The following VWC2 variants were observed in gnomAD, a reference collection of about 807,000 sequenced individuals.
The protein encoded by VWC2 is brorin.
A neutral mutation model predicts 29.8 loss-of-function variants in VWC2; 14 were observed. That is an observed-to-expected ratio of 0.47 (90% confidence interval 0.31 to 0.74). The LOEUF (loss-of-function observed/expected upper bound fraction) is 0.74, where lower values mean the gene tolerates loss of function less well. Among genes scored for constraint, VWC2 ranks in the 30% least tolerant of loss-of-function variants. VWC2 has a pLI of 0.05. For missense variants in VWC2, 457 were observed against 459.8 expected (o/e 0.99, Z 0.05); for synonymous variants, 213 against 199.0 (o/e 1.07, Z -0.59).
In VWC2 at chr7:49,781,616, T is replaced by C. The variant is rs538890009; in HGVS notation, c.696+5485T>C. 1.3e-4 allele frequency among the ~76,000 whole-genome samples: 20 copies of C among 152,304 alleles called. No individual in the cohort carries two copies. The East Asian group carries it at 3.7e-3, about 28-fold the overall frequency. On this transcript the variant is annotated intron_variant, in intron 2 of 3. Coordinates refer to ENST00000340652, the MANE Select transcript of VWC2 (RefSeq NM_198570.5). ...ATTTGAATCCTAGCGTGTTGGACTCTGAAGATCGTGCATAGTGTCTTCGTG... is the reference window on the plus strand; with the variant it reads ...ATTTGAATCCTAGCGTGTTGGACTCCGAAGATCGTGCATAGTGTCTTCGTG...
chr7:49,812,266 T>C (rs1789030912), intron 3 of VWC2, among the ~76,000 whole-genome samples: 1 of 152,218 alleles, frequency 6.6e-6, no homozygotes, highest in South Asian at 2.1e-4. Context: ...TAAAATTCAT[T>C]AAATTGTACA....
chr7:49,889,781 C>A (rs1027634430), intron 3 of VWC2, among the ~76,000 whole-genome samples: 1 of 152,130 alleles, frequency 6.6e-6, no homozygotes, highest in Admixed American at 6.5e-5. Flanking sequence ...TGAATATATT[C>A]TATTTGAATT....
At chr7:49,806,408 G>C (rs967567396) in intron 3 of VWC2, among the ~76,000 whole-genome samples, 1 of 152,166 alleles carries the variant, frequency 6.6e-6, no homozygotes, top group African/African-American at 2.4e-5. Flanking sequence ...GGGAGGATAC[G>C]ACATATGCCA....
intron 3 of VWC2, among the ~76,000 whole-genome samples, chr7:49,888,869 C>A (rs1792011984): frequency 6.6e-6 from 1 of 152,066 alleles, no homozygotes; most frequent in Non-Finnish European, 1.5e-5. Context: ...TGAGATCGCA[C>A]CATCACAGTC....
chr7:49,791,758 G>T (rs1433226365), intron 2 of VWC2, among the ~76,000 whole-genome samples: 1 of 152,194 alleles, frequency 6.6e-6, no homozygotes, highest in African/African-American at 2.4e-5. Context: ...CAGACAAGAA[G>T]ATGCTTCGCC....
At position 49,802,623 on chromosome 7, in the gene VWC2, G is replaced by A. The variant is rs1788768513; in HGVS notation, c.697-88G>A. 8.4e-6 allele frequency: 13 copies of A among 1,550,222 alleles called. 1 individual carries two copies. The Middle Eastern group carries it at 1.5e-3, about 184-fold the overall frequency. ...ACTGCACTCCAGTGTGAGCGACAGA[G>A]CGAGACTCCATTTCAAAAAAATATA... On this transcript the variant is annotated intron_variant, in intron 2 of 3. Coordinates refer to ENST00000340652, the MANE Select transcript of VWC2 (RefSeq NM_198570.5).
At chr7:49,803,583 C>T (rs1788798133) in intron 3 of VWC2, among the ~76,000 whole-genome samples, 1 of 152,218 alleles carries the variant, frequency 6.6e-6, no homozygotes, top group Non-Finnish European at 1.5e-5. Flanking sequence ...GCCTCGCTGA[C>T]AGGAGCGACT....
At chr7:49,835,824 A>G (rs1431768607) in intron 3 of VWC2, among the ~76,000 whole-genome samples, 1 of 152,240 alleles carries the variant, frequency 6.6e-6, no homozygotes, top group South Asian at 2.1e-4. Context: ...GGCATTAGCT[A>G]TCTCTCTTTG....
intron 2 of VWC2, among the ~76,000 whole-genome samples, chr7:49,793,680 A>C (rs1254230018): frequency 6.6e-6 from 1 of 152,188 alleles, no homozygotes; most frequent in African/African-American, 2.4e-5. Flanking sequence ...TCTGATTAAC[A>C]CCACAATGTG....
At chr7:49,886,630 G>C (rs769690970) in intron 3 of VWC2, among the ~76,000 whole-genome samples, 1 of 152,106 alleles carries the variant, frequency 6.6e-6, no homozygotes, top group Admixed American at 6.5e-5. Flanking sequence ...AGGTTCAGGG[G>C]TACATGGGCA....
At chr7:49,837,010 T>A (rs575410) in intron 3 of VWC2, among the ~76,000 whole-genome samples, 2,671 of 152,320 alleles carry the variant, frequency 0.018, 87 homozygotes, top group African/African-American at 0.062. Flanking sequence ...ATGCTTGAAA[T>A]TTAGTCTTTG....
Position 49,918,663 on chromosome 7 carries a change from T to C in VWC2, c.*6478T>C, listed in dbSNP as rs1440036345. ...TAAACTGCCATTTATTAGGTGATGA[T>C]TATAGGGCAAACACTACAATTTCAA... On this transcript the variant is annotated 3_prime_UTR_variant, in exon 4 of 4. Transcript: ENST00000340652. 5 of 152,236 alleles carry C rather than the reference T, an allele frequency of 3.3e-5. No homozygotes were observed. Among genetic ancestry groups the C allele is most frequent in the Non-Finnish European group, 7.3e-5 (5 of 68,044 alleles). The allele number at this position is 152,236 out of a possible 1,614,324, so 9.4% of individuals were successfully genotyped here.
intron 1 of VWC2, among the ~76,000 whole-genome samples, chr7:49,774,633 T>A (rs557108369): frequency 2.0e-5 from 3 of 152,200 alleles, no homozygotes; most frequent in Admixed American, 6.5e-5. Context: ...GCGACCTGGC[T>A]CCCAAGGCTC....
intron 3 of VWC2, among the ~76,000 whole-genome samples, chr7:49,844,891 C>G (rs931620459): frequency 3.9e-5 from 6 of 152,056 alleles, no homozygotes; most frequent in Non-Finnish European, 5.9e-5. Flanking sequence ...CCATGTTGGC[C>G]AGGCTAGTCT....
At chr7:49,892,625 T>G (rs929446292) in intron 3 of VWC2, among the ~76,000 whole-genome samples, 2 of 152,206 alleles carry the variant, frequency 1.3e-5, no homozygotes, top group Non-Finnish European at 2.9e-5. Context: ...GGCATTTTTG[T>G]GTGTGCTCTC....
chr7:49,813,950 G>A (rs1385412325), intron 3 of VWC2, among the ~76,000 whole-genome samples: 1 of 152,078 alleles, frequency 6.6e-6, no homozygotes, highest in African/African-American at 2.4e-5. Context: ...TGGAGGAAAT[G>A]ACTCGCTGGT....
chr7:49,795,065 ATC>A (rs1485520848), intron 2 of VWC2, among the ~76,000 whole-genome samples: 4 of 152,112 alleles, frequency 2.6e-5, no homozygotes, highest in Admixed American at 1.3e-4. Flanking sequence ...ATTTCTTTAT[ATC>A]TCTCCTTGAG....
intron 3 of VWC2, among the ~76,000 whole-genome samples, chr7:49,902,075 A>C (rs185174852): frequency 7.9e-5 from 12 of 152,150 alleles, no homozygotes. Context: ...TCATAGAACC[A>C]TAAAAGTCGT....
intron 3 of VWC2, among the ~76,000 whole-genome samples, chr7:49,860,727 T>TA (rs1415064099): frequency 6.6e-6 from 1 of 152,226 alleles, no homozygotes; most frequent in Admixed American, 6.5e-5. Flanking sequence ...TATTTGTAGA[T>TA]AGAGTCATTA....
Sources: allele counts gnomAD v4.1 joint callset (sites outside exome capture counted in the v4.1 genomes callset), GRCh38; gene constraint gnomAD v4.1.1; transcripts MANE v1.5; gene names NCBI Gene and HGNC (gene_info 2026-07-23, HGNC 2026-07-21).